The following FURIN variants were observed in gnomAD, a reference collection of about 807,000 sequenced individuals.
FURIN encodes the protein furin, paired basic amino acid cleaving enzyme, also known as FES upstream region.
Under a neutral mutation model 89.2 loss-of-function variants are expected in FURIN, and 18 were observed. That is an observed-to-expected ratio of 0.20 (90% CI 0.14 to 0.30). The LOEUF (loss-of-function observed/expected upper bound fraction) is 0.30. Ranked by LOEUF, FURIN falls within the 10% of genes least tolerant of loss-of-function variation. FURIN has a pLI of 1.00. For synonymous variants in FURIN, 508 were observed against 466.4 expected (o/e 1.09, Z -1.15); for missense variants, 879 against 1,100.5 (o/e 0.80, Z 2.85).
In FURIN at chr15:90,876,278, C is replaced by A; in HGVS notation, c.201C>A (p.Phe67Leu). The change falls in exon 3 of 16, where the codon TTC becomes TTA. Residue 67 changes from phenylalanine (F) to leucine (L), a missense_variant. By Grantham distance (22) the Phe-to-Leu change is conservative (BLOSUM62 0). Coordinates refer to ENST00000268171, the MANE Select transcript of FURIN (RefSeq NM_002569.4). The surrounding 1 kb of genome is among the most constrained non-coding windows in gnomAD (Gnocchi z 5.0). The part of the protein sequence containing the change: ...LGQIFGDYYH[F>L]WHRGVTKRSL... Reference sequence around the variant, plus strand: ...AGATCTTCGGGGACTATTACCACTTCTGGCATCGAGGAGTGACGAAGCGGT... The same window carrying A: ...AGATCTTCGGGGACTATTACCACTTATGGCATCGAGGAGTGACGAAGCGGT... The A allele has an allele frequency of 6.2e-7, 1 of 1,610,782 alleles. No homozygotes were observed. Among genetic ancestry groups the A allele is most frequent in the Non-Finnish European group, 8.5e-7 (1 of 1,177,208 alleles).
At position 90,877,049 on chromosome 15, in the gene FURIN, G is replaced by A. The variant is rs28509319; in HGVS notation, c.501+25G>A. The stretch of plus-strand genomic sequence containing the variant: ...TGTGAGGAAGTCGGGGAGGGAGGCC[G>A]TGATCCCTGCTGAGGTGTGTCTAGA... On this transcript the variant is annotated intron_variant, in intron 5 of 15. Coordinates refer to ENST00000268171, the MANE Select transcript of FURIN (RefSeq NM_002569.4). The A allele has an allele frequency of 0.012, 19,418 of 1,613,722 alleles. 1,833 individuals are homozygous for A. In the African/African-American group the frequency reaches 0.22, roughly 18 times the overall value.
intron 6 of FURIN, 51 bp from the exon 7 acceptor site, chr15:90,877,476 G>A (rs1314609698): frequency 7.0e-7 from 1 of 1,421,120 alleles, no homozygotes; most frequent in Non-Finnish European, 9.6e-7. Context: ...CATCTGCCGG[G>A]CCCTGTTCAC....
intron 13 of FURIN, 39 bp from the exon 14 acceptor site, chr15:90,880,652 C>A (rs772006920): frequency 8.2e-6 from 13 of 1,580,248 alleles, no homozygotes; most frequent in Non-Finnish European, 1.1e-5. Context: ...GCTTGGGGTC[C>A]CGCAGAGGCC....
chr15:90,868,925 G>A (rs146658167), intron 1 of FURIN, among the ~76,000 whole-genome samples: 35 of 152,252 alleles, frequency 2.3e-4, no homozygotes, highest in African/African-American at 7.2e-4. Flanking sequence ...TTACAACTAG[G>A]TGTGGGTGCT....
Position 90,879,432 on chromosome 15 carries a change from T to C in FURIN, c.1054-12T>C. On this transcript the variant is annotated splice_polypyrimidine_tract_variant and intron_variant, in intron 9 of 15. Transcript: ENST00000268171. The stretch of plus-strand genomic sequence containing the variant: ...CCCATCACAGGCCCCAATATGATTC[T>C]CTTCCTGGCAGGTGACGACTGACTT... The C allele has an allele frequency of 6.3e-7, 1 of 1,596,958 alleles. No homozygotes were observed. Among genetic ancestry groups the C allele is most frequent in the Non-Finnish European group, 8.6e-7 (1 of 1,164,488 alleles).
intron 6 of FURIN, 28 bp from the exon 7 acceptor site, chr15:90,877,499 A>T (rs1422239526): frequency 6.5e-7 from 1 of 1,538,500 alleles, no homozygotes. Flanking sequence ...CATTTGTTCT[A>T]CTCATGCTAC....
rs754571015 is a variant in FURIN at position 90,879,461 on chromosome 15, G to A, written c.1071G>A (p.Arg357=). The A allele has an allele frequency of 1.2e-6, 2 of 1,612,734 alleles. No homozygotes were observed. Among genetic ancestry groups the A allele is most frequent in the Non-Finnish European group, 1.7e-6 (2 of 1,178,950 alleles). Residue 357 remains arginine (R), a synonymous_variant, in exon 10 of 16, where the codon CGG becomes CGA. Coordinates refer to ENST00000268171, the MANE Select transcript of FURIN (RefSeq NM_002569.4). ...NEKQIVTTDL[R]QKCTESHTGT... ...CCTGGCAGGTGACGACTGACTTGCG[G>A]CAGAAGTGCACGGAGTCTCACACGG...
At chr15:90,877,749 G>A (rs2031716944) in intron 7 of FURIN, 134 bp downstream of exon 7, 2 of 667,080 alleles carry the variant, frequency 3.0e-6, no homozygotes, top group East Asian at 2.8e-5. Flanking sequence ...TCCATGGAGG[G>A]TTCCCAAAGG....
In FURIN at chr15:90,883,405, GAGATAATGTTA is replaced by G. The variant is rs1174285246; in HGVS notation, c.*1528_*1538del. The G allele has an allele frequency of 6.5e-6, 1 of 152,698 alleles. No individual in the cohort carries two copies. Among genetic ancestry groups the G allele is most frequent in the African/African-American group, 2.4e-5 (1 of 41,474 alleles). The allele number at this position is 152,698 out of a possible 1,614,324, so 9.5% of individuals were successfully genotyped here. A position where few individuals can be genotyped will look rare whatever the true frequency, so the allele number is the denominator to read the frequency against. ...ATTGCTGGTTCTATTTAATGGACAT[GAGATAATGTTA>G]GAGGTTTTAAAGTGATTAAACGTGC... is the stretch of plus-strand genomic sequence containing the variant. On this transcript the variant is annotated 3_prime_UTR_variant, in exon 16 of 16. Transcript: ENST00000268171.
chr15:90,869,202 C>T (rs553960066), intron 1 of FURIN, among the ~76,000 whole-genome samples: 1 of 152,318 alleles, frequency 6.6e-6, no homozygotes, highest in East Asian at 1.9e-4. Flanking sequence ...TCCTCTCACT[C>T]ATCTCCAGAC....
At position 90,876,185 on chromosome 15, in the gene FURIN, C is replaced by T. The variant is rs1194288641; in HGVS notation, c.178-70C>T. ...GCGAGCCTCCCATGAAGCCGTTGTC[C>T]ACCCCCGTCCCCCGCCTCCCGGGGA... On this transcript the variant is annotated intron_variant, in intron 2 of 15. Coordinates refer to ENST00000268171, the MANE Select transcript of FURIN (RefSeq NM_002569.4). This position sits in a 1 kb window ranked among gnomAD's most constrained non-coding sequence, Gnocchi z 5.0. 5 of 1,061,550 alleles carry T rather than the reference C, an allele frequency of 4.7e-6. No individual in the cohort carries two copies. Among genetic ancestry groups the T allele is most frequent in the African/African-American group, 2.2e-5 (1 of 44,618 alleles). The allele number at this position is 1,061,550 out of a possible 1,614,324, so 65.8% of individuals were successfully genotyped here.
Position 90,880,677 on chromosome 15 carries a change from A to G in FURIN, c.1557-14A>G, listed in dbSNP as rs776192929. 4 of 1,608,076 alleles carry G rather than the reference A, an allele frequency of 2.5e-6. No homozygotes were observed. The highest frequency in any genetic ancestry group is 2.2e-5 in the South Asian group (2 of 90,198). On this transcript the variant is annotated splice_polypyrimidine_tract_variant and intron_variant, in intron 13 of 15. Coordinates refer to ENST00000268171, the MANE Select transcript of FURIN (RefSeq NM_002569.4). ...CCGCAGAGGCCTCAGGGCTGTGTGC[A>G]CTCCCCTCCCCAGGCCACATGACTA...
intron 1 of FURIN, among the ~76,000 whole-genome samples, chr15:90,869,013 C>T (rs2151216987): frequency 6.6e-6 from 1 of 152,298 alleles, no homozygotes; most frequent in East Asian, 1.9e-4. Context: ...CCCAAGGAGA[C>T]AACAGGAGTG....
chr15:90,878,640 C>A, intron 8 of FURIN, 124 bp from the exon 9 acceptor site: 1 of 627,486 alleles, frequency 1.6e-6, no homozygotes, highest in Non-Finnish European at 2.8e-6. Context: ...CACCAGGGAT[C>A]TCACAGGGGA....
rs1046409505 is a variant in FURIN, at chr15:90,876,618, G to A, written c.372+61G>A. ...CAGATGCACCATCCACCCACTATGAGCTCTTGGATGGAGGAGGCTGTCTTC... is the reference window on the plus strand; with the variant it reads ...CAGATGCACCATCCACCCACTATGAACTCTTGGATGGAGGAGGCTGTCTTC... On this transcript the variant is annotated intron_variant, in intron 4 of 15. Transcript: ENST00000268171. This position sits in a 1 kb window ranked among gnomAD's most constrained non-coding sequence, Gnocchi z 5.0. The A allele has an allele frequency of 2.7e-6, 3 of 1,106,502 alleles. No individual in the cohort carries two copies. In the African/African-American group the frequency reaches 4.6e-5, roughly 17 times the overall value. The allele number at this position is 1,106,502 out of a possible 1,614,324, so 68.5% of individuals were successfully genotyped here. A position where few individuals can be genotyped will look rare whatever the true frequency, so the allele number is the denominator to read the frequency against.
At chr15:90,877,305 G>A in intron 6 of FURIN, 94 bp downstream of exon 6, 1 of 1,158,724 alleles carries the variant, frequency 8.6e-7, no homozygotes, top group Admixed American at 2.6e-5. Context: ...TTGCCTAAAA[G>A]GCTGAGGCTT....
chr15:90,880,378 C>A, intron 13 of FURIN, 105 bp downstream of exon 13: 1 of 912,966 alleles, frequency 1.1e-6, no homozygotes. Context: ...GAGTGCTACT[C>A]AGTGGGGCAC....
Position 90,880,285 on chromosome 15 carries a change from G to A in FURIN, c.1556+12G>A. The A allele has an allele frequency of 6.3e-7, 1 of 1,588,740 alleles. No individual in the cohort carries two copies. Among genetic ancestry groups the A allele is most frequent in the Non-Finnish European group, 8.6e-7 (1 of 1,166,272 alleles). ...CTGCTGGCAGCCAGGTGCTTGCTCT[G>A]TCCCTGCCCGCCCTGCCCAGCGCCG... On this transcript the variant is annotated intron_variant, in intron 13 of 15. Coordinates refer to ENST00000268171, the MANE Select transcript of FURIN (RefSeq NM_002569.4).
In FURIN at chr15:90,881,466, A is replaced by ACGGCCTCAG; in HGVS notation, c.1974_1975insGGCCTCAGC (p.Asp658_Cys659insGlyLeuSer). 6.2e-7 allele frequency: 1 copy of ACGGCCTCAG among 1,612,104 alleles called. No individual in the cohort carries two copies. The highest frequency in any genetic ancestry group is 8.5e-7 in the Non-Finnish European group (1 of 1,179,770). On this transcript the variant is annotated inframe_insertion, in exon 16 of 16. Transcript: ENST00000268171. The surrounding 1 kb of genome is among the most constrained non-coding windows in gnomAD (Gnocchi z 4.3). ...ACATGCCAGGGGCCGGCCCTGACAG[A>ACGGCCTCAG]CTGCCTCAGCTGCCCCAGCCACGCC...
Sources: allele counts gnomAD v4.1 joint callset (sites outside exome capture counted in the v4.1 genomes callset), GRCh38; gene constraint gnomAD v4.1.1; non-coding constraint Gnocchi (gnomAD v3.1); transcripts MANE v1.5; gene names NCBI Gene and HGNC (gene_info 2026-07-23, HGNC 2026-07-21).